Variants in STK32A observed in about 807,000 individuals in gnomAD.
STK32A encodes serine/threonine kinase 32A.
STK32A carries 41 observed loss-of-function variants against 53.2 expected under a neutral mutation model. The observed-to-expected ratio is 0.77, with a 90% CI of 0.60 to 1.00. The LOEUF (loss-of-function observed/expected upper bound fraction) is 1.00. Ranked by LOEUF, STK32A falls within the 50% of genes least tolerant of loss-of-function variation. STK32A has a pLI of 0.00. For synonymous variants in STK32A, 166 were observed against 162.8 expected (o/e 1.02, Z -0.15); for missense variants, 458 against 485.8 (o/e 0.94, Z 0.54).
intron 4 of STK32A, among the ~76,000 whole-genome samples, chr5:147,317,413 C>T (rs1445396702): frequency 1.5e-5 from 2 of 136,476 alleles, no homozygotes; most frequent in Non-Finnish European, 3.1e-5. Context: ...CTGCAACCTC[C>T]GCCGCCCAGG....
intron 3 of STK32A, 61 bp downstream of exon 3, chr5:147,278,240 T>C (rs1751862298): frequency 3.6e-6 from 5 of 1,372,124 alleles, no homozygotes; most frequent in Non-Finnish European, 5.1e-6. Flanking sequence ...GAACAGAGGG[T>C]CCAGAAATGT....
downstream of STK32A, chr5:147,390,868 T>C (rs1757778511): frequency 6.6e-6 from 1 of 152,670 alleles, no homozygotes. Flanking sequence ...TGATGAACTT[T>C]TTTCTTTAAT....
chr5:147,384,001 C>T lies in STK32A; in HGVS notation c.*18C>T. 1 of 1,593,934 alleles carries T rather than the reference C, an allele frequency of 6.3e-7. No homozygotes were observed. The highest frequency in any genetic ancestry group is 8.5e-7 in the Non-Finnish European group (1 of 1,173,938). Reference sequence around the variant, plus strand: ...ACTTGTAAAGGCCTCATGTCTTCTTCTTGGGACAATCTCATGCCAGAAACT... The same window carrying T: ...ACTTGTAAAGGCCTCATGTCTTCTTTTTGGGACAATCTCATGCCAGAAACT... On this transcript the variant is annotated 3_prime_UTR_variant, in exon 13 of 13. Coordinates refer to ENST00000397936, the MANE Select transcript of STK32A (RefSeq NM_001112724.2).
the STK32A span, chr5:147,397,898 G>A: frequency 1.6e-5 from 13 of 830,846 alleles, no homozygotes; most frequent in African/African-American, 1.7e-4. Flanking sequence ...AAAGAGGAAC[G>A]TACCTTCTCT....
At chr5:147,365,720 T>C (rs987569744) in intron 8 of STK32A, among the ~76,000 whole-genome samples, 16 of 152,170 alleles carry the variant, frequency 1.1e-4, no homozygotes, top group Non-Finnish European at 1.9e-4. Context: ...AGAGCAATTG[T>C]GCTCTGCCCT....
chr5:147,303,405 G>T (rs1014978456), intron 4 of STK32A, among the ~76,000 whole-genome samples: 5 of 152,140 alleles, frequency 3.3e-5, no homozygotes, highest in African/African-American at 1.2e-4. Flanking sequence ...GCTTCTTCAC[G>T]TGCGGGTGGA....
the STK32A span, among the ~76,000 whole-genome samples, chr5:147,396,457 C>T: frequency 6.6e-6 from 1 of 152,158 alleles, no homozygotes; most frequent in Non-Finnish European, 1.5e-5. Context: ...CACACAACCT[C>T]CACCCATTTC....
At chr5:147,337,518 G>C (rs115439000) in intron 5 of STK32A, among the ~76,000 whole-genome samples, 1 of 152,080 alleles carries the variant, frequency 6.6e-6, no homozygotes, top group African/African-American at 2.4e-5. Context: ...CTTCTTAGGG[G>C]AAAAAGACAT....
intron 4 of STK32A, among the ~76,000 whole-genome samples, chr5:147,314,920 T>C (rs2151973429): frequency 6.6e-6 from 1 of 152,134 alleles, no homozygotes; most frequent in African/African-American, 2.4e-5. Flanking sequence ...ATTTTTTTTT[T>C]CTTTTGTAGA....
At chr5:147,388,634 G>A (rs190940625), downstream of STK32A, among the ~76,000 whole-genome samples, 8 of 152,198 alleles carry the variant, frequency 5.3e-5, no homozygotes, top group Admixed American at 1.3e-4. Flanking sequence ...GCTCATGGTC[G>A]GGGTCTCCTT....
intron 5 of STK32A, among the ~76,000 whole-genome samples, chr5:147,334,079 TGAA>T (rs1755001977): frequency 6.6e-6 from 1 of 152,106 alleles, no homozygotes; most frequent in African/African-American, 2.4e-5. Context: ...CAGATAATTG[TGAA>T]ACAACTACGG....
intron 4 of STK32A, among the ~76,000 whole-genome samples, chr5:147,295,750 T>C (rs1014420707): frequency 6.6e-6 from 1 of 152,202 alleles, no homozygotes; most frequent in Non-Finnish European, 1.5e-5. Flanking sequence ...ATAGTTTCTC[T>C]CCCACCTTTA....
chr5:147,350,179 C>A (rs370358658), intron 6 of STK32A, among the ~76,000 whole-genome samples: 1 of 129,972 alleles, frequency 7.7e-6, no homozygotes. Flanking sequence ...CACCGCCCCC[C>A]GCTATCCCTT....
intron 4 of STK32A, among the ~76,000 whole-genome samples, chr5:147,317,605 G>A (rs993977214): frequency 4.0e-5 from 6 of 151,808 alleles, no homozygotes; most frequent in South Asian, 2.1e-4. Flanking sequence ...GATTGCAGGC[G>A]TGAGCCACTG....
At chr5:147,401,796 C>T in the STK32A span, 2 of 1,441,924 alleles carry the variant, frequency 1.4e-6, no homozygotes, top group South Asian at 2.7e-5. Context: ...AGGACTGTGT[C>T]TCAGAGTCAG....
chr5:147,260,984 T>G (rs1705301736), intron 2 of STK32A, among the ~76,000 whole-genome samples: 1 of 151,808 alleles, frequency 6.6e-6, no homozygotes, highest in African/African-American at 2.4e-5. Context: ...GTGCGCAGAG[T>G]CGTTGCCGCA....
chr5:147,399,262 T>C, the STK32A span: 2 of 1,612,894 alleles, frequency 1.2e-6, no homozygotes, highest in South Asian at 2.2e-5. Context: ...CCTATTGAAA[T>C]ATAAGAAATT....
chr5:147,380,698 A>G (rs1757418549), intron 11 of STK32A, among the ~76,000 whole-genome samples: 1 of 152,198 alleles, frequency 6.6e-6, no homozygotes, highest in Admixed American at 6.5e-5. Flanking sequence ...AATGCTTTGC[A>G]TGTCTGCAAG....
intron 6 of STK32A, among the ~76,000 whole-genome samples, chr5:147,343,783 A>C (rs2151989355): frequency 6.6e-6 from 1 of 152,224 alleles, no homozygotes; most frequent in East Asian, 1.9e-4. Flanking sequence ...AAAGATATCA[A>C]GTTTTCTGTT....
Sources: allele counts gnomAD v4.1 joint callset (sites outside exome capture counted in the v4.1 genomes callset), GRCh38; gene constraint gnomAD v4.1.1; transcripts MANE v1.5; gene names NCBI Gene and HGNC (gene_info 2026-07-23, HGNC 2026-07-21).